Variants in PIGF observed in about 807,000 individuals in gnomAD.
PIGF encodes phosphatidylinositol glycan anchor biosynthesis class F.
Under a neutral mutation model 26.0 loss-of-function variants are expected in PIGF, and 23 were observed. The ratio of observed to expected loss-of-function variants is 0.88; its 90% CI spans 0.64 to 1.25. PIGF has a LOEUF of 1.25. Among genes scored for constraint, PIGF ranks in the 50% most tolerant of loss-of-function variants. The pLI is 0.00. For missense variants in PIGF, 278 were observed against 249.9 expected (o/e 1.11, Z -0.76); for synonymous variants, 93 against 92.6 (o/e 1.00, Z -0.03).
At chr2:46,591,526 A>G in intron 5 of PIGF, 1 of 892,540 alleles carries the variant, frequency 1.1e-6, no homozygotes, top group Non-Finnish European at 1.3e-6. Flanking sequence ...TTTTGGGAGT[A>G]ATTACTCTGT....
intron 5 of PIGF, among the ~76,000 whole-genome samples, chr2:46,590,492 C>G (rs1455445289): frequency 6.7e-6 from 1 of 149,922 alleles, no homozygotes; most frequent in East Asian, 2.0e-4. Context: ...TGTAATATAT[C>G]AAACCTTTAC....
At chr2:46,591,576 G>T (rs1669723282) in intron 5 of PIGF, 1 of 944,388 alleles carries the variant, frequency 1.1e-6, no homozygotes. Flanking sequence ...TAGATTCAAA[G>T]ATTTTATCAC....
chr2:46,615,456 G>A (rs965151475), intron 1 of PIGF: 1 of 284,488 alleles, frequency 3.5e-6, no homozygotes, highest in Non-Finnish European at 6.8e-6. Context: ...TCTGCAAAAG[G>A]GTCATGTCCT....
chr2:46,606,238 C>A (rs1396410669), intron 4 of PIGF, among the ~76,000 whole-genome samples: 1 of 152,156 alleles, frequency 6.6e-6, no homozygotes, highest in East Asian at 1.9e-4. Flanking sequence ...TTACTTTGTC[C>A]TCTAGCTTCT....
intron 2 of PIGF, chr2:46,614,541 A>G (rs1453286297): frequency 6.3e-6 from 1 of 158,348 alleles, no homozygotes; most frequent in Non-Finnish European, 1.4e-5. Flanking sequence ...GCATTACCAC[A>G]GGCTTATATT....
At position 46,616,384 on chromosome 2, in the gene PIGF, T is replaced by G. The variant is rs1324572771; in HGVS notation, c.-22+586A>C. ...CTCAACAGATAGCCCTTCAGCGATT[T>G]TTCTGAGCCACCCTCGGAATCGCAG... On this transcript the variant is annotated intron_variant, in intron 1 of 5. Transcript: ENST00000281382. 3 of 152,368 alleles carry G rather than the reference T, an allele frequency of 2.0e-5. No individual in the cohort carries two copies. In the East Asian group the frequency reaches 5.8e-4, roughly 29 times the overall value. The allele number at this position is 152,368 out of a possible 1,614,324, so 9.4% of individuals were successfully genotyped here. A position where few individuals can be genotyped will look rare whatever the true frequency, so the allele number is the denominator to read the frequency against.
rs539501135 is a variant in PIGF, at chr2:46,587,807, C to T, written c.546+4668G>A. ...GCCTAAAATACAGACACCACCACAA[C>T]GGTCAAGGCATGTAATGAAAACAAT... is the stretch of plus-strand genomic sequence containing the variant. On this transcript the variant is annotated intron_variant, in intron 5 of 5. Transcript: ENST00000281382. Among the ~76,000 whole-genome samples, 5 of 152,198 alleles carry T rather than the reference C, an allele frequency of 3.3e-5. No homozygotes were observed. The East Asian group carries it at 5.8e-4, about 18-fold the overall frequency.
chr2:46,613,099 T>C (rs1239967728), intron 3 of PIGF, among the ~76,000 whole-genome samples: 1 of 151,744 alleles, frequency 6.6e-6, no homozygotes, highest in East Asian at 1.9e-4. Flanking sequence ...TGTGTGTGTA[T>C]ATGTATATGT....
Position 46,581,432 on chromosome 2 carries a change from C to G in PIGF, c.*46G>C. On this transcript the variant is annotated 3_prime_UTR_variant, in exon 6 of 6. Coordinates refer to ENST00000281382, the MANE Select transcript of PIGF (RefSeq NM_002643.4). ...GGCTTTGACCATACACATTTCTGCC[C>G]AGCCCTTACAGAATCTGCACAAAGA... 1 of 1,589,476 alleles carries G rather than the reference C, an allele frequency of 6.3e-7. No homozygotes were observed. Among genetic ancestry groups the G allele is most frequent in the Non-Finnish European group, 8.6e-7 (1 of 1,167,846 alleles).
intron 4 of PIGF, among the ~76,000 whole-genome samples, chr2:46,596,274 G>C (rs1053764390): frequency 6.6e-6 from 1 of 150,488 alleles, no homozygotes; most frequent in Admixed American, 6.6e-5. Context: ...TAAGTTCCTT[G>C]GGCTAAGAGG....
intron 5 of PIGF, among the ~76,000 whole-genome samples, chr2:46,590,835 T>C (rs1669702834): frequency 6.6e-6 from 1 of 152,210 alleles, no homozygotes; most frequent in South Asian, 2.1e-4. Context: ...ATTTCTCTAA[T>C]ATAGTGATGA....
At position 46,592,512 on chromosome 2, in the gene PIGF, G is replaced by A. The variant is rs1225882851; in HGVS notation, c.509C>T (p.Ala170Val). 1 of 1,608,284 alleles carries A rather than the reference G, an allele frequency of 6.2e-7. No homozygotes were observed. Among genetic ancestry groups the A allele is most frequent in the Non-Finnish European group, 8.5e-7 (1 of 1,174,654 alleles). ...ISSFVGAWLGALPIPLDWERP... is the reference protein window; with the variant it reads ...ISSFVGAWLGVLPIPLDWERP... Reference sequence around the variant, plus strand: ...TTCCCAATCCAGTGGAATAGGAAGTGCTCCAAGCCATGCTCCTACAAAGCT... The same window carrying A: ...TTCCCAATCCAGTGGAATAGGAAGTACTCCAAGCCATGCTCCTACAAAGCT... The change falls in exon 5 of 6, where the codon GCA (alanine) becomes GTA (valine). Residue 170 changes from alanine (A) to valine (V), a missense_variant. Coordinates refer to ENST00000281382, the MANE Select transcript of PIGF (RefSeq NM_002643.4).
intron 5 of PIGF, chr2:46,582,454 G>T (rs1558697204): frequency 6.6e-6 from 1 of 152,134 alleles, no homozygotes; most frequent in Non-Finnish European, 1.5e-5. Flanking sequence ...TCCTTGTTTG[G>T]TCTGCTGTGG....
At chr2:46,603,591 G>A (rs1159305264) in intron 4 of PIGF, among the ~76,000 whole-genome samples, 2 of 151,962 alleles carry the variant, frequency 1.3e-5, no homozygotes, top group Non-Finnish European at 2.9e-5. Context: ...AAGATGCCAA[G>A]AACATACACC....
At chr2:46,587,682 A>G (rs978063575) in intron 5 of PIGF, among the ~76,000 whole-genome samples, 11 of 152,294 alleles carry the variant, frequency 7.2e-5, no homozygotes, top group South Asian at 2.1e-4. Flanking sequence ...ATTTTTAAAG[A>G]TTGTAGCACT....
intron 1 of PIGF, chr2:46,616,189 A>G (rs1670619881): frequency 6.6e-6 from 1 of 152,298 alleles, no homozygotes; most frequent in Non-Finnish European, 1.5e-5. Context: ...GAAACACGGC[A>G]AACAGGTGAG....
intron 2 of PIGF, chr2:46,614,713 TGC>T (rs1265049632): frequency 9.5e-6 from 4 of 420,774 alleles, no homozygotes; most frequent in African/African-American, 7.9e-5. Context: ...TATTATAATA[TGC>T]TCTGAAGAAG....
intron 5 of PIGF, chr2:46,582,986 C>A (rs1298452693): frequency 6.6e-6 from 1 of 152,044 alleles, no homozygotes; most frequent in African/African-American, 2.4e-5. Context: ...ATGTAACTTT[C>A]TTATTTAATT....
In PIGF at chr2:46,612,472, C is replaced by T. The variant is rs1670454214; in HGVS notation, c.321-128G>A. The T allele has an allele frequency of 1.3e-5, 5 of 393,236 alleles. No homozygotes were observed. The East Asian group carries it at 1.6e-4, about 12-fold the overall frequency. 24.4% of individuals were successfully genotyped at this position (393,236 alleles called of 1,614,324 possible). ...TTACTTTGAAAGGTAACATGAATGC[C>T]ACCAAAATGATGACTATAAATAATT... On this transcript the variant is annotated intron_variant, in intron 3 of 5. Coordinates refer to ENST00000281382, the MANE Select transcript of PIGF (RefSeq NM_002643.4).
Sources: gnomAD v4.1 joint callset for allele counts (sites outside exome capture counted in the v4.1 genomes callset) on GRCh38, gnomAD v4.1.1 for gene constraint, MANE v1.5 for transcripts, NCBI Gene and HGNC (gene_info 2026-07-23, HGNC 2026-07-21) for gene names.